The following NIPBL variants were observed in gnomAD, a reference collection of about 807,000 sequenced individuals.
NIPBL encodes nipped-B-like protein.
A neutral mutation model predicts 321.8 loss-of-function variants in NIPBL; 19 were observed. That is an observed-to-expected ratio of 0.06 (90% CI 0.04 to 0.09). The LOEUF (loss-of-function observed/expected upper bound fraction) is 0.09, where lower values mean the gene tolerates loss of function less well. NIPBL is among the 10% of genes least tolerant of loss of function. The pLI, the probability that NIPBL is intolerant of heterozygous loss-of-function variation, is 1.00. For synonymous variants in NIPBL, 1,106 were observed against 1,114.1 expected (o/e 0.99, Z 0.14); for missense variants, 2,210 against 3,327.0 (o/e 0.66, Z 8.26).
Position 37,056,131 on chromosome 5 carries a change from G to T in NIPBL, c.7264-1055G>T, listed in dbSNP as rs990855186. The stretch of plus-strand genomic sequence containing the variant: ...TATTATATGAGTTTTGAAAATATAT[G>T]AATTATAGTGTTAAAACTAATAGAT... On this transcript the variant is annotated intron_variant, in intron 42 of 46. Transcript: ENST00000282516. 2.6e-5 allele frequency among the ~76,000 whole-genome samples: 4 copies of T among 152,082 alleles called. No individual in the cohort carries two copies. The East Asian group carries it at 7.7e-4, about 29-fold the overall frequency.
intron 11 of NIPBL, 101 bp from the exon 12 acceptor site, chr5:37,000,272 G>A: frequency 8.9e-7 from 1 of 1,120,372 alleles, no homozygotes; most frequent in Non-Finnish European, 1.3e-6. Context: ...TAGACCCTAT[G>A]GAATGAAGAT....
At chr5:37,040,829 A>G (rs1561199544) in intron 34 of NIPBL, among the ~76,000 whole-genome samples, 1 of 152,174 alleles carries the variant, frequency 6.6e-6, no homozygotes, top group Non-Finnish European at 1.5e-5. Context: ...TGTATGTGAC[A>G]ATCATTGTCA....
intron 1 of NIPBL, among the ~76,000 whole-genome samples, chr5:36,880,648 C>T (rs1484547322): frequency 6.6e-6 from 1 of 151,992 alleles, no homozygotes; most frequent in Non-Finnish European, 1.5e-5. Flanking sequence ...ATATCCTGAG[C>T]GTACTAGGTT....
At chr5:37,000,746 A>G (rs1746697990) in intron 12 of NIPBL, 71 bp from the exon 13 acceptor site, 2 of 1,419,106 alleles carry the variant, frequency 1.4e-6, no homozygotes, top group Admixed American at 1.8e-5. Context: ...CAGGAAAAAA[A>G]CTAGAAACAA....
intron 1 of NIPBL, among the ~76,000 whole-genome samples, chr5:36,907,152 G>C (rs1157356313): frequency 6.6e-6 from 1 of 152,192 alleles, no homozygotes; most frequent in Non-Finnish European, 1.5e-5. Context: ...TAGATCTGGA[G>C]TAGGGTTTGA....
intron 1 of NIPBL, among the ~76,000 whole-genome samples, chr5:36,881,610 A>C (rs1745509520): frequency 6.6e-6 from 1 of 152,002 alleles, no homozygotes; most frequent in African/African-American, 2.4e-5. Context: ...GTAAATGATC[A>C]GTCTGATTTA....
At chr5:36,957,433 A>G (rs553037866) in intron 3 of NIPBL, among the ~76,000 whole-genome samples, 1 of 152,288 alleles carries the variant, frequency 6.6e-6, no homozygotes, top group South Asian at 2.1e-4. Context: ...ATATTCCAAT[A>G]CCAAATATCA....
chr5:36,984,527 G>C, intron 9 of NIPBL, 149 bp from the exon 10 acceptor site: 1 of 638,054 alleles, frequency 1.6e-6, no homozygotes, highest in Non-Finnish European at 2.6e-6. Flanking sequence ...TGTCATTCAT[G>C]CTTACTATTT....
chr5:37,017,729 T>A (rs928137706), intron 24 of NIPBL, among the ~76,000 whole-genome samples: 2 of 152,082 alleles, frequency 1.3e-5, no homozygotes, highest in African/African-American at 4.8e-5. Flanking sequence ...AGTCTTTTTT[T>A]ATGCTCGTAA....
chr5:36,999,339 G>C (rs887596059), intron 11 of NIPBL, among the ~76,000 whole-genome samples: 1 of 152,198 alleles, frequency 6.6e-6, no homozygotes, highest in Non-Finnish European at 1.5e-5. Context: ...TCAGCAACAA[G>C]TGATCACAAC....
chr5:37,012,271 T>C (rs2149684207), intron 21 of NIPBL, among the ~76,000 whole-genome samples: 1 of 151,550 alleles, frequency 6.6e-6, no homozygotes, highest in South Asian at 2.1e-4. Flanking sequence ...CACCTCAGCC[T>C]TCCGAGTAGC....
In NIPBL at chr5:36,961,465, A is replaced by G; in HGVS notation, c.359-19A>G. On this transcript the variant is annotated intron_variant, in intron 4 of 46. Coordinates refer to ENST00000282516, the MANE Select transcript of NIPBL (RefSeq NM_133433.4). ...CTGTTAGAAGAAAATAACGTTCTGTATTTTTGTGTTTTGCATAGGAATGAT... is the reference window on the plus strand; with the variant it reads ...CTGTTAGAAGAAAATAACGTTCTGTGTTTTTGTGTTTTGCATAGGAATGAT... The G allele has an allele frequency of 7.1e-7, 1 of 1,406,482 alleles. No homozygotes were observed. Among genetic ancestry groups the G allele is most frequent in the African/African-American group, 1.4e-5 (1 of 71,044 alleles). The allele number at this position is 1,406,482 out of a possible 1,614,324, so 87.1% of individuals were successfully genotyped here.
At chr5:36,917,051 T>G (rs1007483527) in intron 1 of NIPBL, among the ~76,000 whole-genome samples, 2 of 152,230 alleles carry the variant, frequency 1.3e-5, no homozygotes, top group Non-Finnish European at 2.9e-5. Context: ...GTATTTCTAA[T>G]TCTAGATCCT....
intron 1 of NIPBL, among the ~76,000 whole-genome samples, chr5:36,924,328 T>A (rs983403646): frequency 6.6e-6 from 1 of 152,200 alleles, no homozygotes; most frequent in African/African-American, 2.4e-5. Context: ...AAATTTTATA[T>A]CAGTTTAAAT....
chr5:36,936,144 T>A (rs1738394850), intron 1 of NIPBL, among the ~76,000 whole-genome samples: 1 of 152,206 alleles, frequency 6.6e-6, no homozygotes, highest in Non-Finnish European at 1.5e-5. Flanking sequence ...AATTTTTCTG[T>A]GTGATTATGG....
intron 6 of NIPBL, among the ~76,000 whole-genome samples, chr5:36,965,218 G>A (rs1329582181): frequency 6.6e-6 from 1 of 151,974 alleles, no homozygotes; most frequent in Non-Finnish European, 1.5e-5. Flanking sequence ...CTGAAGAGAT[G>A]CACGCCCATG....
intron 9 of NIPBL, among the ~76,000 whole-genome samples, chr5:36,983,258 TGATA>T (rs1284374906): frequency 6.6e-6 from 1 of 151,876 alleles, no homozygotes; most frequent in Non-Finnish European, 1.5e-5. Flanking sequence ...GCATGTGTGG[TGATA>T]GATTTGACTG....
In NIPBL at chr5:36,985,373, A is replaced by G. The variant is rs1744649508; in HGVS notation, c.2193A>G (p.Gly731=). The change falls in exon 10 of 47, where the codon GGA becomes GGG. Residue 731 remains glycine, a synonymous_variant. Transcript: ENST00000282516. The part of the protein sequence containing the change: ...HPETPKQKGD[G]RPETPKQKGE... The stretch of plus-strand genomic sequence containing the variant: ...AAACCCCAAAACAGAAGGGTGATGG[A>G]AGGCCTGAAACTCCAAAGCAAAAAG... 1 of 1,613,620 alleles carries G rather than the reference A, an allele frequency of 6.2e-7. No individual in the cohort carries two copies. Among genetic ancestry groups the G allele is most frequent in the Non-Finnish European group, 8.5e-7 (1 of 1,179,944 alleles).
intron 1 of NIPBL, among the ~76,000 whole-genome samples, chr5:36,935,910 T>C (rs759037673): frequency 6.6e-5 from 10 of 152,146 alleles, no homozygotes; most frequent in Non-Finnish European, 1.2e-4. Context: ...TGTCTGTCTC[T>C]TTCTTCTATC....
Sources: gnomAD v4.1 joint callset for allele counts (sites outside exome capture counted in the v4.1 genomes callset) on GRCh38, gnomAD v4.1.1 for gene constraint, MANE v1.5 for transcripts, NCBI Gene and HGNC (gene_info 2026-07-23, HGNC 2026-07-21) for gene names.